The following CCDC141 variants were observed in gnomAD, a reference collection of about 807,000 sequenced individuals.
CCDC141 encodes the protein coiled-coil domain containing 141, also known as coiled-coil domain-containing protein 141.
CCDC141 carries 168 observed loss-of-function variants against 181.0 expected under a neutral mutation model. That is an observed-to-expected ratio of 0.93 (90% CI 0.82 to 1.05). The LOEUF is 1.05. Among genes scored for constraint, CCDC141 ranks in the 50% least tolerant of loss-of-function variants. CCDC141 has a pLI of 0.00. For synonymous variants in CCDC141, 666 were observed against 642.3 expected (o/e 1.04, Z -0.56); for missense variants, 1,902 against 1,788.5 (o/e 1.06, Z -1.14).
chr2:178,856,145 C>G, intron 18 of CCDC141, 112 bp downstream of exon 18: 2 of 932,600 alleles, frequency 2.1e-6, no homozygotes, highest in South Asian at 2.8e-5. Context: ...AGTCCCAATG[C>G]TACAAAAAGC....
intron 8 of CCDC141, among the ~76,000 whole-genome samples, chr2:178,901,415 A>C (rs1687682857): frequency 6.6e-6 from 1 of 152,062 alleles, no homozygotes; most frequent in South Asian, 2.1e-4. Context: ...ACCATGATCA[A>C]GTGGGCTTCA....
intron 2 of CCDC141, among the ~76,000 whole-genome samples, chr2:179,017,400 G>A (rs867793881): frequency 7.2e-5 from 11 of 152,060 alleles, no homozygotes; most frequent in Admixed American, 1.3e-4. Flanking sequence ...TATCTGGGGT[G>A]GGTGATAGCC....
At chr2:178,939,799 C>G (rs1470154618) in intron 6 of CCDC141, among the ~76,000 whole-genome samples, 2 of 151,970 alleles carry the variant, frequency 1.3e-5, no homozygotes, top group African/African-American at 4.8e-5. Flanking sequence ...TGGTTGAATC[C>G]TAATTGTAGC....
At chr2:179,001,595 T>C (rs952139841) in intron 2 of CCDC141, among the ~76,000 whole-genome samples, 1 of 152,150 alleles carries the variant, frequency 6.6e-6, no homozygotes, top group African/African-American at 2.4e-5. Flanking sequence ...AGGGCTGTGC[T>C]AGATAGCAAA....
Position 178,946,877 on chromosome 2 carries a change from C to T in CCDC141, c.781-2226G>A, listed in dbSNP as rs116295864. On this transcript the variant is annotated intron_variant, in intron 5 of 23. Coordinates refer to ENST00000443758, the MANE Select transcript of CCDC141 (RefSeq NM_173648.4). Reference sequence around the variant, plus strand: ...GATAATGTTCAGTGTATCCTGTTCACGTTCCTGCCTGTTAAATCATGCTGA... The same window carrying T: ...GATAATGTTCAGTGTATCCTGTTCATGTTCCTGCCTGTTAAATCATGCTGA... 2.2e-3 allele frequency among the ~76,000 whole-genome samples: 332 copies of T among 152,302 alleles called. 1 individual carries two copies. Among genetic ancestry groups the T allele is most frequent in the African/African-American group, 7.4e-3 (308 of 41,554 alleles).
At chr2:178,962,150 C>G (rs2154379049) in intron 4 of CCDC141, among the ~76,000 whole-genome samples, 1 of 152,202 alleles carries the variant, frequency 6.6e-6, no homozygotes, top group Admixed American at 6.5e-5. Context: ...AAATGGACTA[C>G]CAGTATGTGA....
At chr2:178,930,044 C>T (rs1304613528) in intron 6 of CCDC141, among the ~76,000 whole-genome samples, 4 of 151,728 alleles carry the variant, frequency 2.6e-5, no homozygotes, top group Admixed American at 2.6e-4. Flanking sequence ...ATGATATGAT[C>T]GTACATGCAG....
chr2:178,991,089 A>G (rs1166667432), intron 2 of CCDC141, among the ~76,000 whole-genome samples: 1 of 152,142 alleles, frequency 6.6e-6, no homozygotes, highest in Non-Finnish European at 1.5e-5. Flanking sequence ...ACCTGCTGCA[A>G]CTCTGAGACT....
rs1420838581 is a variant in CCDC141 at position 179,049,892 on chromosome 2, C to T, written c.50G>A (p.Ser17Asn). 2.6e-6 allele frequency: 4 copies of T among 1,550,814 alleles called. No homozygotes were observed. The highest frequency in any genetic ancestry group is 3.9e-5 in the Admixed American group (2 of 51,010). ...PSVALSTTTV[S>N]SVAVQAGDSK... is the part of the protein sequence containing the mutation. ...GTCCCCAGCCTGCACAGCAACTGAA[C>T]TGACTGTCGTCGTAGAAAGCGCAAC... The change falls in exon 1 of 24, where the codon AGT becomes AAT. Residue 17 changes from serine (S) to asparagine (N), a missense_variant. Physicochemically the swap from Ser to Asn is conservative, Grantham distance 46. Coordinates refer to ENST00000443758, the MANE Select transcript of CCDC141 (RefSeq NM_173648.4).
chr2:179,018,735 G>T (rs1215016913), intron 2 of CCDC141, among the ~76,000 whole-genome samples: 1 of 152,172 alleles, frequency 6.6e-6, no homozygotes, highest in Non-Finnish European at 1.5e-5. Flanking sequence ...GTACAATTGT[G>T]AGTGAGCTAG....
chr2:179,037,722 C>A (rs1018358506), intron 2 of CCDC141, among the ~76,000 whole-genome samples: 5 of 152,160 alleles, frequency 3.3e-5, no homozygotes, highest in South Asian at 2.1e-4. Flanking sequence ...AAAAGATATA[C>A]ACTGGCCAAT....
chr2:178,849,388 A>G (rs557276512), intron 21 of CCDC141, among the ~76,000 whole-genome samples: 2 of 152,348 alleles, frequency 1.3e-5, no homozygotes, highest in East Asian at 3.9e-4. Flanking sequence ...GCTTTGCTCT[A>G]CAGCCTTTGA....
intron 6 of CCDC141, among the ~76,000 whole-genome samples, chr2:178,920,182 C>CT (rs1056413138): frequency 6.6e-6 from 1 of 152,190 alleles, no homozygotes; most frequent in African/African-American, 2.4e-5. Flanking sequence ...GCATAGGCTA[C>CT]TTGTGAAGCG....
intron 2 of CCDC141, among the ~76,000 whole-genome samples, chr2:179,041,054 T>A (rs1575381629): frequency 6.7e-6 from 1 of 149,184 alleles, no homozygotes; most frequent in South Asian, 2.1e-4. Context: ...CAGCTTCTGC[T>A]GTTGTTTTGT....
In CCDC141 at chr2:178,938,626, G is replaced by A. The variant is rs557732523; in HGVS notation, c.897+5909C>T. Among the ~76,000 whole-genome samples the A allele has an allele frequency of 2.8e-4, 43 of 152,208 alleles. 1 individual carries two copies. The highest frequency in any genetic ancestry group is 6.8e-3 in the Middle Eastern group (2 of 294). ...TAATATATCCATTTGGTCCAATGTT[G>A]AGTTCAGATATTAAATATCTTTGTT... On this transcript the variant is annotated intron_variant, in intron 6 of 23. Coordinates refer to ENST00000443758, the MANE Select transcript of CCDC141 (RefSeq NM_173648.4).
the CCDC141 span, among the ~76,000 whole-genome samples, chr2:178,820,977 A>G: frequency 1.3e-5 from 2 of 152,178 alleles, no homozygotes; most frequent in African/African-American, 4.8e-5. Context: ...TTATACCACT[A>G]TGCATTTTTA....
intron 2 of CCDC141, among the ~76,000 whole-genome samples, chr2:179,016,229 C>T (rs937638630): frequency 6.6e-6 from 1 of 151,650 alleles, no homozygotes; most frequent in African/African-American, 2.4e-5. Context: ...TAAAAGACTA[C>T]AAATATGATG....
chr2:179,047,421 T>G lies in CCDC141; in HGVS notation c.103-15A>C, dbSNP rs948423529. ...CATTTGCCACACTAAAAATAAAAATTAAATAAAATGCACTTTTAGTTCCTC... is the reference window on the plus strand; with the variant it reads ...CATTTGCCACACTAAAAATAAAAATGAAATAAAATGCACTTTTAGTTCCTC... On this transcript the variant is annotated splice_polypyrimidine_tract_variant and intron_variant, in intron 1 of 23. Coordinates refer to ENST00000443758, the MANE Select transcript of CCDC141 (RefSeq NM_173648.4). 9 of 1,492,706 alleles carry G rather than the reference T, an allele frequency of 6.0e-6. No individual in the cohort carries two copies. Among genetic ancestry groups the G allele is most frequent in the Non-Finnish European group, 8.0e-6 (9 of 1,125,516 alleles). The allele number at this position is 1,492,706 out of a possible 1,614,324, so 92.5% of individuals were successfully genotyped here.
Position 178,878,004 on chromosome 2 carries a change from G to A in CCDC141, c.1859C>T (p.Thr620Ile), listed in dbSNP as rs550596462. ...WQLFLKKSFI[T>I]QDLGLEFLNL... ...AAGGAACTCAAGCCCTAGATCTTGT[G>A]TTATAAAACTCTTCTTTAAAAATAG... The change falls in exon 12 of 24, where the codon ACA becomes ATA. Residue 620 changes from threonine (T) to isoleucine (I), a missense_variant. Transcript: ENST00000443758. 1.2e-6 allele frequency: 2 copies of A among 1,613,794 alleles called. No individual in the cohort carries two copies. Among genetic ancestry groups the A allele is most frequent in the South Asian group, 2.2e-5 (2 of 91,076 alleles).
Sources: gnomAD v4.1 joint callset for allele counts (sites outside exome capture counted in the v4.1 genomes callset) on GRCh38, gnomAD v4.1.1 for gene constraint, MANE v1.5 for transcripts, NCBI Gene and HGNC (gene_info 2026-07-23, HGNC 2026-07-21) for gene names.